CEP112: variants seen among roughly 807,000 people sequenced by gnomAD.
The protein encoded by CEP112 is centrosomal protein 112.
In CEP112, 127 loss-of-function variants were observed where a neutral mutation model predicts 153.0. The ratio of observed to expected loss-of-function variants is 0.83; its 90% CI spans 0.72 to 0.96. The LOEUF (loss-of-function observed/expected upper bound fraction) is 0.96, where lower values mean the gene tolerates loss of function less well. CEP112 is among the 40% of genes least tolerant of loss of function. The probability of loss-of-function intolerance (pLI) is 0.00; values close to 1 mark genes in which losing one functional copy is unlikely to be tolerated. For missense variants in CEP112, 1,089 were observed against 1,101.2 expected (o/e 0.99, Z 0.16); for synonymous variants, 358 against 374.4 (o/e 0.96, Z 0.51).
intron 10 of CEP112, 122 bp downstream of exon 10, chr17:66,066,656 G>A: frequency 2.0e-5 from 12 of 602,530 alleles, no homozygotes; most frequent in Non-Finnish European, 2.8e-5. Context: ...ATCCACTGAT[G>A]AAACCCCACA....
intron 21 of CEP112, among the ~76,000 whole-genome samples, chr17:65,822,852 T>C (rs1451608801): frequency 6.6e-6 from 1 of 152,104 alleles, no homozygotes; most frequent in African/African-American, 2.4e-5. Context: ...TTCCAAGGAA[T>C]CTACCAAAAA....
At chr17:65,832,273 C>G (rs2057111645) in intron 21 of CEP112, among the ~76,000 whole-genome samples, 1 of 151,958 alleles carries the variant, frequency 6.6e-6, no homozygotes, top group African/African-American at 2.4e-5. Flanking sequence ...CCTAACATCA[C>G]AACTGAAAGA....
chr17:65,870,061 G>GAAAGAAAGAAAGAAAGA (rs2058611481), intron 20 of CEP112, among the ~76,000 whole-genome samples: 3 of 71,984 alleles, frequency 4.2e-5, no homozygotes, highest in Admixed American at 1.6e-4. Flanking sequence ...AAGAAAGAAA[G>GAAAGAAAGAAAGAAAGA]AAAGAAAGAA....
intron 19 of CEP112, among the ~76,000 whole-genome samples, chr17:65,912,352 G>C (rs1568215682): frequency 6.6e-6 from 1 of 152,112 alleles, no homozygotes; most frequent in East Asian, 1.9e-4. Context: ...CAACTTTCCT[G>C]TTGAAAGGAG....
chr17:65,674,685 C>G (rs768350312), intron 24 of CEP112, among the ~76,000 whole-genome samples: 3 of 152,194 alleles, frequency 2.0e-5, no homozygotes, highest in African/African-American at 4.8e-5. Flanking sequence ...TAAATTAAGG[C>G]TATTCAAGAT....
At chr17:66,030,064 T>A in intron 12 of CEP112, 41 bp from the exon 13 acceptor site, 1 of 1,560,780 alleles carries the variant, frequency 6.4e-7, no homozygotes, top group Non-Finnish European at 8.7e-7. Context: ...TCTGACTCAG[T>A]TGTAACACTT....
At chr17:65,735,670 G>A (rs1195771109) in intron 23 of CEP112, among the ~76,000 whole-genome samples, 1 of 152,178 alleles carries the variant, frequency 6.6e-6, no homozygotes, top group African/African-American at 2.4e-5. Context: ...TGGTAGTGAA[G>A]AAAATAATGA....
At chr17:65,727,883 C>G (rs2050268538) in intron 23 of CEP112, among the ~76,000 whole-genome samples, 1 of 152,114 alleles carries the variant, frequency 6.6e-6, no homozygotes, top group South Asian at 2.1e-4. Flanking sequence ...AAGCCCAGGA[C>G]ATAGACTCGA....
chr17:66,047,963 T>C (rs1460053739), intron 12 of CEP112, among the ~76,000 whole-genome samples: 1 of 152,208 alleles, frequency 6.6e-6, no homozygotes, highest in Non-Finnish European at 1.5e-5. Context: ...TACTTGCATA[T>C]ACCCTATACA....
intron 21 of CEP112, among the ~76,000 whole-genome samples, chr17:65,776,784 A>C (rs1270444698): frequency 8.0e-5 from 3 of 37,276 alleles, no homozygotes; most frequent in Non-Finnish European, 3.8e-4. Context: ...GATTTTTATA[A>C]ATATTGTCAC....
chr17:65,786,572 C>CTTTTTTTTT (rs1195368604), intron 21 of CEP112, among the ~76,000 whole-genome samples: 75 of 101,564 alleles, frequency 7.4e-4, no homozygotes, highest in Non-Finnish European at 9.8e-4. Flanking sequence ...TTAGCCAATT[C>CTTTTTTTTT]TTTTTTTTTT....
intron 17 of CEP112, among the ~76,000 whole-genome samples, chr17:65,971,515 T>C (rs1449262531): frequency 6.7e-6 from 1 of 149,422 alleles, no homozygotes. Context: ...CACATGCACA[T>C]TACATGTGTA....
intron 23 of CEP112, among the ~76,000 whole-genome samples, chr17:65,721,354 C>A (rs980605967): frequency 3.9e-5 from 6 of 152,220 alleles, no homozygotes; most frequent in African/African-American, 1.4e-4. Context: ...GGAAGATAAT[C>A]TAAGAGGATA....
chr17:65,815,586 A>G (rs72831443), intron 21 of CEP112, among the ~76,000 whole-genome samples: 1,891 of 152,232 alleles, frequency 0.012, 15 homozygotes, highest in Non-Finnish European at 0.019. Context: ...CTAAGGATCA[A>G]TCTGGGAGAA....
chr17:65,851,018 T>C (rs1598775837), intron 21 of CEP112, among the ~76,000 whole-genome samples: 1 of 152,208 alleles, frequency 6.6e-6, no homozygotes. Context: ...GCTAGTATGG[T>C]ATTGCATACT....
chr17:65,726,139 G>A (rs1472995878), intron 23 of CEP112, among the ~76,000 whole-genome samples: 2 of 152,096 alleles, frequency 1.3e-5, no homozygotes, highest in East Asian at 3.8e-4. Flanking sequence ...AGGAGTTTGA[G>A]ACTAGCCTGG....
At chr17:65,882,101 T>C (rs953833686) in intron 20 of CEP112, among the ~76,000 whole-genome samples, 6 of 152,144 alleles carry the variant, frequency 3.9e-5, no homozygotes, top group Non-Finnish European at 7.3e-5. Flanking sequence ...AGGGGGAAAA[T>C]TATACTCGTT....
chr17:65,708,150 CT>C (rs563680157), intron 23 of CEP112, among the ~76,000 whole-genome samples: 306 of 146,350 alleles, frequency 2.1e-3, no homozygotes, highest in African/African-American at 5.1e-3. Flanking sequence ...ACCCCCCGCA[CT>C]TTTTTTTTTT....
At chr17:65,952,596 A>T (rs2061872278) in intron 18 of CEP112, among the ~76,000 whole-genome samples, 2 of 152,124 alleles carry the variant, frequency 1.3e-5, no homozygotes, top group African/African-American at 4.8e-5. Context: ...GTCTTTGTCT[A>T]GACATGTCTT....
Sources: gnomAD v4.1 joint callset for allele counts (sites outside exome capture counted in the v4.1 genomes callset) on GRCh38, gnomAD v4.1.1 for gene constraint, MANE v1.5 for transcripts, NCBI Gene and HGNC (gene_info 2026-07-23, HGNC 2026-07-21) for gene names.